Variants in CCDC18 observed in about 807,000 individuals in gnomAD.
CCDC18 encodes the protein coiled-coil domain-containing protein 18.
CCDC18 carries 157 observed loss-of-function variants against 196.0 expected under a neutral mutation model. The ratio of observed to expected loss-of-function variants is 0.80; its 90% CI spans 0.70 to 0.91. The LOEUF (loss-of-function observed/expected upper bound fraction) is 0.91. CCDC18 is among the 40% of genes least tolerant of loss of function. CCDC18 has a pLI of 0.00. For missense variants in CCDC18, 1,465 were observed against 1,611.6 expected (o/e 0.91, Z 1.56); for synonymous variants, 482 against 529.2 (o/e 0.91, Z 1.22).
chr1:93,256,316 A>G lies in CCDC18; in HGVS notation c.3343-19A>G, dbSNP rs764963189. ...TATATATTTCATTCTGAAACCTACAAATACCTTATGCTTTTCAGGTTATGA... is the reference window on the plus strand; with the variant it reads ...TATATATTTCATTCTGAAACCTACAGATACCTTATGCTTTTCAGGTTATGA... On this transcript the variant is annotated intron_variant, in intron 24 of 28. Coordinates refer to ENST00000690025, the MANE Select transcript of CCDC18 (RefSeq NM_001378204.1). 92 of 1,607,872 alleles carry G rather than the reference A, an allele frequency of 5.7e-5. No homozygotes were observed. The highest frequency in any genetic ancestry group is 7.5e-5 in the Non-Finnish European group (88 of 1,175,362).
intron 27 of CCDC18, among the ~76,000 whole-genome samples, chr1:93,268,609 G>A (rs1051798776): frequency 9.9e-5 from 15 of 151,874 alleles, no homozygotes; most frequent in African/African-American, 3.6e-4. Context: ...TCAAAAAGTG[G>A]GAGAAGGATA....
intron 9 of CCDC18, among the ~76,000 whole-genome samples, chr1:93,209,796 C>T (rs1285813129): frequency 2.6e-5 from 4 of 152,184 alleles, no homozygotes; most frequent in Non-Finnish European, 2.9e-5. Context: ...GGCACAGTGG[C>T]TCCTGCTTGT....
At chr1:93,243,266 T>C (rs1446108280) in intron 21 of CCDC18, among the ~76,000 whole-genome samples, 2 of 152,258 alleles carry the variant, frequency 1.3e-5, no homozygotes, top group Non-Finnish European at 2.9e-5. Context: ...TTCTGTGTAC[T>C]CACAGATTCA....
At chr1:93,188,576 T>C (rs1343048229) in intron 4 of CCDC18, among the ~76,000 whole-genome samples, 2 of 152,240 alleles carry the variant, frequency 1.3e-5, no homozygotes, top group Admixed American at 1.3e-4. Context: ...CTCCCTTCTA[T>C]CTTCCAGTGC....
chr1:93,205,388 T>C, intron 7 of CCDC18, 122 bp from the exon 8 acceptor site: 1 of 802,432 alleles, frequency 1.2e-6, no homozygotes, highest in Admixed American at 3.4e-5. Flanking sequence ...GCTGGGGACT[T>C]AAATGTATGA....
intron 27 of CCDC18, among the ~76,000 whole-genome samples, chr1:93,266,497 A>G (rs1158701268): frequency 6.6e-6 from 1 of 152,202 alleles, no homozygotes; most frequent in African/African-American, 2.4e-5. Context: ...AAATCAATGA[A>G]TCCAGGAGCT....
intron 25 of CCDC18, among the ~76,000 whole-genome samples, chr1:93,258,406 A>C (rs1384468777): frequency 6.6e-6 from 1 of 152,150 alleles, no homozygotes; most frequent in Non-Finnish European, 1.5e-5. Flanking sequence ...TGATAAACAG[A>C]CAATATATAT....
At chr1:93,268,123 A>G (rs972958207) in intron 27 of CCDC18, among the ~76,000 whole-genome samples, 1 of 152,154 alleles carries the variant, frequency 6.6e-6, no homozygotes, top group Non-Finnish European at 1.5e-5. Flanking sequence ...ATAACACCAC[A>G]CATCTACAAC....
At chr1:93,265,919 G>C (rs1664442601) in intron 27 of CCDC18, among the ~76,000 whole-genome samples, 1 of 152,148 alleles carries the variant, frequency 6.6e-6, no homozygotes, top group Non-Finnish European at 1.5e-5. Context: ...TCCAGGACTT[G>C]AACTCAGCTC....
At chr1:93,197,958 A>G (rs1156934300) in intron 6 of CCDC18, among the ~76,000 whole-genome samples, 9 of 151,752 alleles carry the variant, frequency 5.9e-5, no homozygotes, top group East Asian at 1.9e-4. Flanking sequence ...TCTCCATGTT[A>G]GCCAGGATGA....
chr1:93,256,586 T>C (rs774845113), intron 25 of CCDC18, 48 bp downstream of exon 25: 11 of 1,476,682 alleles, frequency 7.4e-6, no homozygotes, highest in Non-Finnish European at 1.0e-5. Context: ...CTTACAAATA[T>C]TAGCATTTTT....
chr1:93,207,257 C>CG lies in CCDC18; in HGVS notation c.1068_1069insG (p.Lys357GlufsTer7). On this transcript the variant is annotated frameshift_variant, in exon 9 of 29. Coordinates refer to ENST00000690025, the MANE Select transcript of CCDC18 (RefSeq NM_001378204.1). LOFTEE classifies it high-confidence loss of function. ...AGAACAAAGACGAAATACTTAGAGA[C>CG]AAATTTTCTTTAATGAATGAAAACC... is the stretch of plus-strand genomic sequence containing the variant. The CG allele has an allele frequency of 6.2e-7, 1 of 1,613,460 alleles. No individual in the cohort carries two copies. The highest frequency in any genetic ancestry group is 8.5e-7 in the Non-Finnish European group (1 of 1,179,676).
chr1:93,265,010 G>T, intron 27 of CCDC18, 109 bp downstream of exon 27: 1 of 695,332 alleles, frequency 1.4e-6, no homozygotes, highest in Admixed American at 2.8e-5. Context: ...ATATTGGCCT[G>T]TTTGAATAAA....
intron 9 of CCDC18, among the ~76,000 whole-genome samples, chr1:93,209,442 G>A (rs542348618): frequency 1.3e-5 from 2 of 152,310 alleles, no homozygotes; most frequent in East Asian, 3.9e-4. Flanking sequence ...TTTCAGATAT[G>A]AATGTATGGT....
intron 6 of CCDC18, among the ~76,000 whole-genome samples, chr1:93,201,224 A>G (rs1653775736): frequency 6.6e-6 from 1 of 152,208 alleles, no homozygotes; most frequent in Admixed American, 6.5e-5. Context: ...CCTCACTTAC[A>G]TTAGAAAGAA....
intron 11 of CCDC18, 22 bp downstream of exon 11, chr1:93,212,283 A>G (rs766033397): frequency 4.3e-6 from 6 of 1,409,896 alleles, no homozygotes; most frequent in Admixed American, 2.5e-5. Flanking sequence ...GAGTTATTTT[A>G]ATAAATTATA....
At chr1:93,256,102 A>G (rs575844421) in intron 24 of CCDC18, among the ~76,000 whole-genome samples, 3 of 152,310 alleles carry the variant, frequency 2.0e-5, no homozygotes, top group East Asian at 3.9e-4. Flanking sequence ...GATGTAATAT[A>G]TATCAATAAG....
At chr1:93,222,026 G>A in intron 16 of CCDC18, 90 bp downstream of exon 16, 1 of 830,246 alleles carries the variant, frequency 1.2e-6, no homozygotes, top group Non-Finnish European at 1.8e-6. Context: ...CTGGAGTGCA[G>A]TGGCATGATG....
chr1:93,179,994 A>G, upstream of CCDC18: 1 of 1,524,520 alleles, frequency 6.6e-7, no homozygotes, highest in Non-Finnish European at 8.9e-7. Context: ...AACGGGTGAG[A>G]GGCGACAACG....
Sources: allele counts gnomAD v4.1 joint callset (sites outside exome capture counted in the v4.1 genomes callset), GRCh38; gene constraint gnomAD v4.1.1; transcripts MANE v1.5; gene names NCBI Gene and HGNC (gene_info 2026-07-23, HGNC 2026-07-21).